The following ABCB11 variants were observed in gnomAD, a reference collection of about 807,000 sequenced individuals.
The protein encoded by ABCB11 is ATP binding cassette subfamily B member 11.
In ABCB11, 95 loss-of-function variants were observed where a neutral mutation model predicts 148.0. The observed-to-expected ratio is 0.64, with a 90% CI of 0.54 to 0.76. ABCB11 has a LOEUF of 0.76. ABCB11 is among the 30% of genes least tolerant of loss of function. The pLI is 0.00. For missense variants in ABCB11, 1,523 were observed against 1,617.8 expected (o/e 0.94, Z 1.01); for synonymous variants, 591 against 555.4 (o/e 1.06, Z -0.90).
At chr2:168,968,910 G>A (rs2105956592) in intron 16 of ABCB11, among the ~76,000 whole-genome samples, 1 of 152,016 alleles carries the variant, frequency 6.6e-6, no homozygotes, top group South Asian at 2.1e-4. Flanking sequence ...GTTTAGAGTG[G>A]TTGGTTAATT....
rs2216502 is a variant in ABCB11 at position 168,970,488 on chromosome 2, A to G, written c.1639-273T>C. On this transcript the variant is annotated intron_variant, in intron 14 of 27. Coordinates refer to ENST00000650372, the MANE Select transcript of ABCB11 (RefSeq NM_003742.4). Reference sequence around the variant, plus strand: ...GCTCAACTTCAAATAAGATTTTTCAACCAAAATAAAAATTGGTCACGGTCC... The same window carrying G: ...GCTCAACTTCAAATAAGATTTTTCAGCCAAAATAAAAATTGGTCACGGTCC... The G allele has an allele frequency of 0.079, 64,731 of 817,766 alleles. 4,182 individuals are homozygous for G. The highest frequency in any genetic ancestry group is 0.39 in the East Asian group (9,689 of 24,728). 50.7% of individuals were successfully genotyped at this position (817,766 alleles called of 1,614,324 possible).
Position 168,935,231 on chromosome 2 carries a change from T to C in ABCB11, c.3009A>G (p.Gly1003=). 12 of 1,613,954 alleles carry C rather than the reference T, an allele frequency of 7.4e-6. No individual in the cohort carries two copies. Among genetic ancestry groups the C allele is most frequent in the Non-Finnish European group, 1.0e-5 (12 of 1,179,894 alleles). Residue 1003 remains glycine, a synonymous_variant, in exon 23 of 28, where the codon GGA becomes GGG. Transcript: ENST00000650372. Reference sequence around the variant, plus strand: ...GCCCCTCATTGGAGATTAAGTAACCTCCATATCTGTAGGAAGCAGAATTCG... The same window carrying C: ...GCCCCTCATTGGAGATTAAGTAACCCCCATATCTGTAGGAAGCAGAATTCG... ...FIANSASYRY[G]GYLISNEGLH... is the part of the protein sequence containing the mutation.
intron 23 of ABCB11, among the ~76,000 whole-genome samples, chr2:168,932,942 T>A (rs376691412): frequency 1.3e-4 from 19 of 151,972 alleles, no homozygotes; most frequent in African/African-American, 4.1e-4. Context: ...ACCCCGTCTC[T>A]ACTAAAAATA....
intron 6 of ABCB11, 101 bp downstream of exon 6, chr2:168,996,534 A>C (rs557889683): frequency 3.5e-6 from 2 of 574,740 alleles, no homozygotes; most frequent in African/African-American, 3.9e-5. Flanking sequence ...TGTAGTTCTT[A>C]GGGCTTCTGA....
In ABCB11 at chr2:168,958,265, G is replaced by A. The variant is rs1015742499; in HGVS notation, c.2179-137C>T. The A allele has an allele frequency of 4.2e-5, 32 of 760,308 alleles. No individual in the cohort carries two copies. In the South Asian group the frequency reaches 7.2e-4, roughly 17 times the overall value. The allele number at this position is 760,308 out of a possible 1,614,324, so 47.1% of individuals were successfully genotyped here. On this transcript the variant is annotated intron_variant, in intron 18 of 27. Transcript: ENST00000650372. ...CCTCAAATGTCTATGGGATATGGTT[G>A]TTTGTTATTTTTTGAGGAATCGTTT...
chr2:169,003,845 G>A (rs1039577235), intron 5 of ABCB11, among the ~76,000 whole-genome samples: 2 of 152,072 alleles, frequency 1.3e-5, no homozygotes, highest in African/African-American at 2.4e-5. Context: ...TGATTTGCTT[G>A]GTAGTGGCAA....
chr2:169,004,410 C>T (rs1269913471), intron 5 of ABCB11, among the ~76,000 whole-genome samples: 1 of 152,052 alleles, frequency 6.6e-6, no homozygotes, highest in Non-Finnish European at 1.5e-5. Context: ...ATTTGAAACC[C>T]ATGTCTTCAA....
At chr2:168,964,753 C>T (rs951962299) in intron 17 of ABCB11, among the ~76,000 whole-genome samples, 3 of 151,840 alleles carry the variant, frequency 2.0e-5, no homozygotes, top group Non-Finnish European at 1.5e-5. Flanking sequence ...AGCATGGTTA[C>T]AAATGATATG....
At chr2:169,001,569 C>A (rs768553270) in intron 5 of ABCB11, among the ~76,000 whole-genome samples, 2 of 152,078 alleles carry the variant, frequency 1.3e-5, no homozygotes, top group Non-Finnish European at 2.9e-5. Context: ...ACAAGAGGGG[C>A]TTATTACCAC....
intron 1 of ABCB11, among the ~76,000 whole-genome samples, chr2:169,026,232 CTTTT>C (rs923788411): frequency 6.6e-6 from 1 of 152,052 alleles, no homozygotes; most frequent in Non-Finnish European, 1.5e-5. Flanking sequence ...ACAGGGTGTT[CTTTT>C]GTTTGTTTTC....
At chr2:168,916,571 TCTG>T (rs952089496), downstream of ABCB11, among the ~76,000 whole-genome samples, 8 of 152,324 alleles carry the variant, frequency 5.3e-5, no homozygotes, top group East Asian at 7.7e-4. Context: ...TTATTTACAG[TCTG>T]CTATTTAAAT....
chr2:169,012,750 AAAAAG>A (rs1558926724), intron 5 of ABCB11, among the ~76,000 whole-genome samples: 1 of 144,240 alleles, frequency 6.9e-6, no homozygotes, highest in African/African-American at 2.6e-5. Context: ...AAAAAAAAAA[AAAAAG>A]AAAAAAGAAA....
chr2:169,028,461 G>A (rs1259549730), intron 1 of ABCB11, among the ~76,000 whole-genome samples: 1 of 152,084 alleles, frequency 6.6e-6, no homozygotes, highest in African/African-American at 2.4e-5. Context: ...ATGGGAAGAG[G>A]AGAGGGAAGA....
At chr2:168,948,013 C>A (rs1692406652) in intron 19 of ABCB11, among the ~76,000 whole-genome samples, 1 of 151,424 alleles carries the variant, frequency 6.6e-6, no homozygotes. Context: ...TCTTTTAAAT[C>A]CTGCATTTTG....
chr2:169,024,777 A>G (rs1695643612), intron 1 of ABCB11, among the ~76,000 whole-genome samples: 1 of 152,128 alleles, frequency 6.6e-6, no homozygotes, highest in Non-Finnish European at 1.5e-5. Flanking sequence ...CTTGTTTTTA[A>G]TGACCTTGGC....
At chr2:168,969,764 T>G (rs79004703) in intron 15 of ABCB11, among the ~76,000 whole-genome samples, 3,973 of 152,132 alleles carry the variant, frequency 0.026, 157 homozygotes, top group African/African-American at 0.091. Flanking sequence ...AATCAACAGC[T>G]AAAAACAATT....
At chr2:168,940,805 T>C (rs1692029099) in intron 21 of ABCB11, among the ~76,000 whole-genome samples, 1 of 152,112 alleles carries the variant, frequency 6.6e-6, no homozygotes, top group African/African-American at 2.4e-5. Context: ...ATGCAGCTGA[T>C]GACTTTAAGT....
rs186290741 is a variant in ABCB11 at position 169,017,895 on chromosome 2, G to T, written c.76+155C>A. 8.9e-4 allele frequency: 698 copies of T among 780,908 alleles called. 7 individuals are homozygous for T. The East Asian group carries it at 0.011, about 12-fold the overall frequency. The allele number at this position is 780,908 out of a possible 1,614,324, so 48.4% of individuals were successfully genotyped here. ...AGATATTACGTTACATGGATTCTAG[G>T]GAGAGCCACACAGTTGTGTATAAGA... On this transcript the variant is annotated intron_variant, in intron 2 of 27. Transcript: ENST00000650372.
At chr2:169,003,348 GCATA>G (rs1261243288) in intron 5 of ABCB11, among the ~76,000 whole-genome samples, 2 of 144,530 alleles carry the variant, frequency 1.4e-5, no homozygotes, top group African/African-American at 5.1e-5. Flanking sequence ...GTGTGTGTGT[GCATA>G]TATATATATA....
Sources: allele counts gnomAD v4.1 joint callset (sites outside exome capture counted in the v4.1 genomes callset), GRCh38; gene constraint gnomAD v4.1.1; transcripts MANE v1.5; gene names NCBI Gene and HGNC (gene_info 2026-07-23, HGNC 2026-07-21).